Variants in TNNI3K observed in about 807,000 individuals in gnomAD.
TNNI3K encodes the protein serine/threonine-protein kinase TNNI3K.
In TNNI3K, 140 loss-of-function variants were observed where a neutral mutation model predicts 114.5. That is an observed-to-expected ratio of 1.22 (90% CI 1.07 to 1.41). The LOEUF (loss-of-function observed/expected upper bound fraction) is 1.41. Among genes scored for constraint, TNNI3K ranks in the 40% most tolerant of loss-of-function variants. The probability of loss-of-function intolerance (pLI) is 0.00; values close to 1 mark genes in which losing one functional copy is unlikely to be tolerated. For missense variants in TNNI3K, 1,125 were observed against 1,007.6 expected, an observed-to-expected ratio of 1.12 and a Z score of -1.58; for synonymous variants, 347 against 347.5, an observed-to-expected ratio of 1.00 and a Z score of 0.02.
intron 17 of TNNI3K, chr1:74,375,702 A>G: frequency 2.3e-6 from 1 of 431,882 alleles, no homozygotes; most frequent in Non-Finnish European, 4.7e-6. Context: ...CCAACCAATC[A>G]GCAGTCCCCA....
intron 4 of TNNI3K, among the ~76,000 whole-genome samples, chr1:74,251,856 G>A (rs940425166): frequency 2.6e-5 from 4 of 152,182 alleles, no homozygotes; most frequent in African/African-American, 9.7e-5. Flanking sequence ...TTCATGCCCA[G>A]TCAATGCCTA....
chr1:74,284,475 A>C (rs1425935237), intron 5 of TNNI3K, among the ~76,000 whole-genome samples: 1 of 152,210 alleles, frequency 6.6e-6, no homozygotes, highest in African/African-American at 2.4e-5. Context: ...CCAATATATT[A>C]GGTTGGTACA....
In TNNI3K at chr1:74,368,797, G is replaced by A. The variant is rs568921742; in HGVS notation, c.1322-225G>A. Among the ~76,000 whole-genome samples, 4 of 151,956 alleles carry A rather than the reference G, an allele frequency of 2.6e-5. No individual in the cohort carries two copies. The South Asian group carries it at 6.2e-4, about 24-fold the overall frequency. On this transcript the variant is annotated intron_variant, in intron 13 of 24. Coordinates refer to ENST00000326637, the MANE Select transcript of TNNI3K (RefSeq NM_015978.3). ...ATAGACCCTTAGCCCTGGTAACAAG[G>A]AGTGAGTAATCAAGACATAGAACTA...
chr1:74,543,542 G>A (rs1056399494), intron 24 of TNNI3K, among the ~76,000 whole-genome samples: 3 of 152,168 alleles, frequency 2.0e-5, no homozygotes, highest in Non-Finnish European at 2.9e-5. Context: ...GTTGACAAAA[G>A]TCACAGAGTC....
At chr1:74,482,307 G>A (rs1276957412) in intron 21 of TNNI3K, among the ~76,000 whole-genome samples, 1 of 152,142 alleles carries the variant, frequency 6.6e-6, no homozygotes, top group Non-Finnish European at 1.5e-5. Context: ...CAAATATGGT[G>A]TTCTGTAAAT....
In TNNI3K at chr1:74,475,683, C is replaced by T. The variant is rs528793522; in HGVS notation, c.2121+12133C>T. 8.4e-6 allele frequency: 6 copies of T among 714,868 alleles called. No homozygotes were observed. In the African/African-American group the frequency reaches 1.1e-4, roughly 13 times the overall value. The allele number at this position is 714,868 out of a possible 1,614,324, so 44.3% of individuals were successfully genotyped here. On this transcript the variant is annotated intron_variant, in intron 21 of 24. Transcript: ENST00000326637. ...ATCCCTTAGTGTGGTAATTTCTTGC[C>T]TCATGAGCACACAGGGGTTCATCGA...
rs755031184 is a variant in TNNI3K at position 74,489,184 on chromosome 1, T to G, written c.2122-5T>G. 6.2e-7 allele frequency: 1 copy of G among 1,610,056 alleles called. No homozygotes were observed. The highest frequency in any genetic ancestry group is 1.7e-5 in the Admixed American group (1 of 59,356). ...AGGGAAAAAAGTTCTTTTTTCTATTTACAGGGAAGACCCGAATTTTCTGAA... is the reference window on the plus strand; with the variant it reads ...AGGGAAAAAAGTTCTTTTTTCTATTGACAGGGAAGACCCGAATTTTCTGAA... On this transcript the variant is annotated splice_polypyrimidine_tract_variant and splice_region_variant and intron_variant, in intron 21 of 24. Transcript: ENST00000326637.
At chr1:74,413,319 A>T (rs929084586) in intron 17 of TNNI3K, among the ~76,000 whole-genome samples, 2 of 152,200 alleles carry the variant, frequency 1.3e-5, no homozygotes, top group African/African-American at 4.8e-5. Context: ...TAATTTATTC[A>T]TTTTAATTTT....
chr1:74,486,152 AT>A (rs1220753817), intron 21 of TNNI3K, among the ~76,000 whole-genome samples: 1 of 151,264 alleles, frequency 6.6e-6, no homozygotes, highest in Admixed American at 6.6e-5. Context: ...CAGAATTTTA[AT>A]TGTTTCCTAA....
intron 17 of TNNI3K, among the ~76,000 whole-genome samples, chr1:74,418,632 G>A (rs1027167034): frequency 6.6e-6 from 1 of 151,826 alleles, no homozygotes; most frequent in African/African-American, 2.4e-5. Context: ...GAAAATGGTT[G>A]GCATTTACAG....
At chr1:74,302,736 GA>G (rs749338001) in intron 5 of TNNI3K, among the ~76,000 whole-genome samples, 1 of 152,178 alleles carries the variant, frequency 6.6e-6, no homozygotes, top group Non-Finnish European at 1.5e-5. Flanking sequence ...AAATGCATAA[GA>G]AAAGTTTGAA....
rs1234886053 is a variant in TNNI3K, at chr1:74,543,619, C to A, written c.2432-287C>A. Among the ~76,000 whole-genome samples the A allele has an allele frequency of 1.3e-5, 2 of 152,194 alleles. 1 individual carries two copies. Among genetic ancestry groups the A allele is most frequent in the South Asian group, 4.1e-4 (2 of 4,834 alleles). ...CGTGAAAGCCTGTGCTTTTAGCCAC[C>A]CTGACATGCCATCTGCCTGAGCTGT... is the stretch of plus-strand genomic sequence containing the variant. On this transcript the variant is annotated intron_variant, in intron 24 of 24. Coordinates refer to ENST00000326637, the MANE Select transcript of TNNI3K (RefSeq NM_015978.3).
intron 17 of TNNI3K, among the ~76,000 whole-genome samples, chr1:74,421,044 A>G (rs559759421): frequency 7.2e-4 from 109 of 152,258 alleles, no homozygotes; most frequent in Non-Finnish European, 1.3e-3. Flanking sequence ...AACACTAGGA[A>G]TAAGTGGGTT....
chr1:74,253,752 G>A (rs1462057966), intron 4 of TNNI3K, among the ~76,000 whole-genome samples: 1 of 152,094 alleles, frequency 6.6e-6, no homozygotes, highest in Non-Finnish European at 1.5e-5. Context: ...CCCGCAGGCC[G>A]AGGGAGCCAG....
At chr1:74,465,619 C>T (rs577228749) in intron 21 of TNNI3K, among the ~76,000 whole-genome samples, 1 of 152,324 alleles carries the variant, frequency 6.6e-6, no homozygotes, top group East Asian at 1.9e-4. Flanking sequence ...GTCCCACCGA[C>T]CGCCCAAAGG....
At chr1:74,435,711 C>G (rs1200306960) in intron 17 of TNNI3K, among the ~76,000 whole-genome samples, 1 of 151,962 alleles carries the variant, frequency 6.6e-6, no homozygotes, top group Non-Finnish European at 1.5e-5. Context: ...GGTTCTCTTG[C>G]TCTGACTCTA....
rs1557516187 is a variant in TNNI3K at position 74,353,966 on chromosome 1, CT to C, written c.1028-10del. 1.9e-6 allele frequency: 3 copies of C among 1,588,210 alleles called. No individual in the cohort carries two copies. The highest frequency in any genetic ancestry group is 2.6e-6 in the Non-Finnish European group (3 of 1,169,846). On this transcript the variant is annotated splice_polypyrimidine_tract_variant and intron_variant, in intron 10 of 24. Coordinates refer to ENST00000326637, the MANE Select transcript of TNNI3K (RefSeq NM_015978.3). ...TTTTTCTCCTTTTGTTCTTTCAATTCTTTTCTATTACAGGATTACACTCTGC... is the reference window on the plus strand; with the variant it reads ...TTTTTCTCCTTTTGTTCTTTCAATTCTTTCTATTACAGGATTACACTCTGC...
chr1:74,520,374 T>C (rs1464421111), intron 23 of TNNI3K, among the ~76,000 whole-genome samples: 2 of 152,080 alleles, frequency 1.3e-5, no homozygotes, highest in Non-Finnish European at 2.9e-5. Context: ...TCGCGTGAGT[T>C]CCACCACCTT....
chr1:74,270,419 G>C (rs45552631), intron 4 of TNNI3K, among the ~76,000 whole-genome samples: 4,313 of 151,606 alleles, frequency 0.028, 83 homozygotes, highest in Non-Finnish European at 0.045. Flanking sequence ...TAAGTTTATA[G>C]TTCAAGCATA....
Sources: allele counts gnomAD v4.1 joint callset (sites outside exome capture counted in the v4.1 genomes callset), GRCh38; gene constraint gnomAD v4.1.1; transcripts MANE v1.5; gene names NCBI Gene and HGNC (gene_info 2026-07-23, HGNC 2026-07-21).